The following DYNC1I1 variants were observed in gnomAD, a reference collection of about 807,000 sequenced individuals.
DYNC1I1 encodes the protein dynein cytoplasmic 1 intermediate chain 1, also known as cytoplasmic dynein 1 intermediate chain 1.
A neutral mutation model predicts 86.6 loss-of-function variants in DYNC1I1; 43 were observed. The observed-to-expected ratio is 0.50, with a 90% CI of 0.39 to 0.64. The LOEUF is 0.64. Ranked by LOEUF, DYNC1I1 falls within the 30% of genes least tolerant of loss-of-function variation. The pLI is 0.00. For missense variants in DYNC1I1, 604 were observed against 788.8 expected, an observed-to-expected ratio of 0.77 and a Z score of 2.81; for synonymous variants, 262 against 283.7, an observed-to-expected ratio of 0.92 and a Z score of 0.77.
intron 3 of DYNC1I1, among the ~76,000 whole-genome samples, chr7:95,812,750 C>T (rs1438646536): frequency 6.6e-6 from 1 of 152,212 alleles, no homozygotes; most frequent in Non-Finnish European, 1.5e-5. Context: ...GTACATTTCT[C>T]TCTCAATGCA....
In DYNC1I1 at chr7:95,857,623, C is replaced by G. The variant is rs538924996; in HGVS notation, c.375-12260C>G. Among the ~76,000 whole-genome samples the G allele has an allele frequency of 3.9e-5, 6 of 152,170 alleles. No individual in the cohort carries two copies. In the East Asian group the frequency reaches 1.2e-3, roughly 29 times the overall value. On this transcript the variant is annotated intron_variant, in intron 5 of 16. Coordinates refer to ENST00000447467, the MANE Select transcript of DYNC1I1 (RefSeq NM_001135556.2). Reference sequence around the variant, plus strand: ...CCTGCAATATTGCCCCCAAGCAAGACTCTTATCCTGTCCTTGAATGCCTTG... The same window carrying G: ...CCTGCAATATTGCCCCCAAGCAAGAGTCTTATCCTGTCCTTGAATGCCTTG...
chr7:96,019,874 C>T (rs969297230), intron 10 of DYNC1I1, among the ~76,000 whole-genome samples: 5 of 151,910 alleles, frequency 3.3e-5, no homozygotes, highest in African/African-American at 4.8e-5. Context: ...GATTTTTCTT[C>T]GAATCAGGAG....
intron 3 of DYNC1I1, 49 bp downstream of exon 3, chr7:95,810,555 G>A (rs201786441): frequency 1.3e-6 from 2 of 1,488,908 alleles, no homozygotes; most frequent in East Asian, 4.6e-5. Context: ...AACTTGCGTG[G>A]GATATACCAT....
intron 6 of DYNC1I1, among the ~76,000 whole-genome samples, chr7:95,940,815 C>T (rs866236322): frequency 9.8e-5 from 15 of 152,348 alleles, no homozygotes; most frequent in East Asian, 9.6e-4. Context: ...AGTCATTCTC[C>T]GTCCAGCTTT....
At chr7:96,083,964 G>A (rs1323809264) in intron 16 of DYNC1I1, among the ~76,000 whole-genome samples, 1 of 152,156 alleles carries the variant, frequency 6.6e-6, no homozygotes, top group Non-Finnish European at 1.5e-5. Flanking sequence ...AGCACACAAT[G>A]TTGGTCCATT....
intron 10 of DYNC1I1, among the ~76,000 whole-genome samples, chr7:96,022,650 C>T (rs1250107765): frequency 6.6e-6 from 1 of 151,768 alleles, no homozygotes; most frequent in African/African-American, 2.4e-5. Flanking sequence ...ATTGCTTGAG[C>T]CCAGGAGTTT....
intron 6 of DYNC1I1, among the ~76,000 whole-genome samples, chr7:95,933,543 T>A (rs2080192157): frequency 6.6e-6 from 1 of 152,206 alleles, no homozygotes; most frequent in Non-Finnish European, 1.5e-5. Flanking sequence ...GAATTGACAT[T>A]TTTGGTAGCT....
intron 5 of DYNC1I1, among the ~76,000 whole-genome samples, chr7:95,861,256 T>G (rs1419883768): frequency 6.6e-6 from 1 of 152,144 alleles, no homozygotes; most frequent in African/African-American, 2.4e-5. Flanking sequence ...TCAGAGACCA[T>G]TGCTCAGTGT....
chr7:95,927,704 T>G (rs563530107), intron 6 of DYNC1I1, among the ~76,000 whole-genome samples: 16 of 152,298 alleles, frequency 1.1e-4, no homozygotes, highest in Admixed American at 3.3e-4. Flanking sequence ...ACACTCTTCA[T>G]ACTATTTTTA....
chr7:95,992,501 G>A (rs1444200885), intron 9 of DYNC1I1, among the ~76,000 whole-genome samples: 1 of 152,156 alleles, frequency 6.6e-6, no homozygotes, highest in Non-Finnish European at 1.5e-5. Context: ...TTCTTTGTCT[G>A]TGGAAATGAG....
At chr7:95,867,710 G>T (rs1253146469) in intron 5 of DYNC1I1, among the ~76,000 whole-genome samples, 1 of 152,016 alleles carries the variant, frequency 6.6e-6, no homozygotes, top group Non-Finnish European at 1.5e-5. Context: ...TCATGCAGGT[G>T]CCCAGGGCAG....
chr7:96,067,462 T>C (rs1366053606), intron 14 of DYNC1I1, among the ~76,000 whole-genome samples: 1 of 148,754 alleles, frequency 6.7e-6, no homozygotes, highest in Non-Finnish European at 1.5e-5. Context: ...TTTTTTTTTT[T>C]ATTTCTTCTT....
intron 6 of DYNC1I1, among the ~76,000 whole-genome samples, chr7:95,973,759 G>A (rs1350268375): frequency 2.0e-5 from 3 of 152,058 alleles, no homozygotes; most frequent in Admixed American, 1.3e-4. Context: ...GAGAATTAAT[G>A]TTTAAAATAA....
At chr7:96,088,727 A>G (rs1485457510) in intron 16 of DYNC1I1, among the ~76,000 whole-genome samples, 1 of 152,144 alleles carries the variant, frequency 6.6e-6, no homozygotes, top group African/African-American at 2.4e-5. Context: ...AAAATATAAT[A>G]CATAATCAAA....
chr7:96,059,267 A>ACAG (rs976188931), intron 14 of DYNC1I1, among the ~76,000 whole-genome samples: 2 of 152,068 alleles, frequency 1.3e-5, no homozygotes, highest in Non-Finnish European at 2.9e-5. Flanking sequence ...GGAACACTAG[A>ACAG]CAGCACTTCA....
chr7:96,091,643 C>T (rs920943780), intron 16 of DYNC1I1, among the ~76,000 whole-genome samples: 1 of 152,156 alleles, frequency 6.6e-6, no homozygotes, highest in Non-Finnish European at 1.5e-5. Context: ...GTGAAAGTTA[C>T]TGCAGATAAT....
intron 6 of DYNC1I1, among the ~76,000 whole-genome samples, chr7:95,930,084 A>C (rs969362985): frequency 6.6e-6 from 1 of 152,236 alleles, no homozygotes; most frequent in Non-Finnish European, 1.5e-5. Flanking sequence ...ATGGCTCCCC[A>C]TATCAAGAGC....
intron 1 of DYNC1I1, among the ~76,000 whole-genome samples, chr7:95,796,252 C>A (rs1262382526): frequency 2.0e-5 from 3 of 152,112 alleles, no homozygotes; most frequent in Non-Finnish European, 2.9e-5. Flanking sequence ...TGTTACCTGG[C>A]TTAGGCAAGT....
chr7:95,880,060 C>A (rs138098364), intron 6 of DYNC1I1, among the ~76,000 whole-genome samples: 1 of 152,150 alleles, frequency 6.6e-6, no homozygotes, highest in African/African-American at 2.4e-5. Flanking sequence ...TTATAATTGT[C>A]AGCCTATTCC....
Sources: allele counts gnomAD v4.1 joint callset (sites outside exome capture counted in the v4.1 genomes callset), GRCh38; gene constraint gnomAD v4.1.1; transcripts MANE v1.5; gene names NCBI Gene and HGNC (gene_info 2026-07-23, HGNC 2026-07-21).